Variants in UGT2A3 observed in about 807,000 individuals in gnomAD.
UGT2A3 encodes UDP glucuronosyltransferase family 2 member A3.
Under a neutral mutation model 44.1 loss-of-function variants are expected in UGT2A3, and 55 were observed. The observed-to-expected ratio is 1.25, with a 90% CI of 1.00 to 1.56. UGT2A3 has a LOEUF of 1.56. UGT2A3 is among the 40% of genes most tolerant of loss of function. UGT2A3 has a pLI of 0.00. For missense variants in UGT2A3, 733 were observed against 621.6 expected (o/e 1.18, Z -1.91); for synonymous variants, 243 against 215.1 (o/e 1.13, Z -1.13).
At chr4:68,945,580 C>A in intron 1 of UGT2A3, 126 bp from the exon 2 acceptor site, 6 of 505,946 alleles carry the variant, frequency 1.2e-5, no homozygotes, top group Non-Finnish European at 1.6e-5. Context: ...GGCTTTTAGA[C>A]GTCAAATGGA....
At position 68,951,437 on chromosome 4, in the gene UGT2A3, T is replaced by C. The variant is rs1718588497; in HGVS notation, c.324A>G (p.Ile108Met). 2.5e-6 allele frequency: 4 copies of C among 1,611,824 alleles called. No individual in the cohort carries two copies. Among genetic ancestry groups the C allele is most frequent in the Non-Finnish European group, 3.4e-6 (4 of 1,179,056 alleles). Residue 108 changes from isoleucine to methionine, a missense_variant, in exon 1 of 6, where the codon ATA becomes ATG. Ile to Met is a conservative substitution (Grantham distance 10). Coordinates refer to ENST00000251566, the MANE Select transcript of UGT2A3 (RefSeq NM_024743.4). The part of the protein sequence containing the change: ...LPGLSTWQSV[I>M]KLNDFFVEIR... ...TTTCAACAAAAAAATCATTTAATTTTATAACTGATTGCCAGGTTGATAAGC... is the reference window on the plus strand; with the variant it reads ...TTTCAACAAAAAAATCATTTAATTTCATAACTGATTGCCAGGTTGATAAGC...
In UGT2A3 at chr4:68,951,080, A is replaced by T. The variant is rs1160702494; in HGVS notation, c.681T>A (p.Tyr227Ter). The change falls in exon 1 of 6, where the codon TAT becomes TAA. Residue 227 changes from tyrosine to a stop codon, truncating the protein, a stop_gained. Transcript: ENST00000251566. LOFTEE classifies it high-confidence loss of function. ...TACTATAAAACTCTTCCCAAAAATG[A>T]TAGTCGTAATCCTGAATCCAGAAGT... ...LFHFWIQDYDYHFWEEFYSKA... is the reference protein window; with the variant it reads ...LFHFWIQDYD 6.3e-7 allele frequency: 1 copy of T among 1,596,060 alleles called. No homozygotes were observed. Among genetic ancestry groups the T allele is most frequent in the Non-Finnish European group, 8.5e-7 (1 of 1,173,776 alleles).
intron 2 of UGT2A3, among the ~76,000 whole-genome samples, chr4:68,934,816 C>G (rs1577846736): frequency 6.6e-6 from 1 of 151,704 alleles, no homozygotes; most frequent in East Asian, 2.0e-4. Context: ...TTTCAGTGAG[C>G]TATAATAATG....
intron 2 of UGT2A3, chr4:68,943,268 G>A (rs145962640): frequency 9.3e-6 from 11 of 1,188,922 alleles, no homozygotes; most frequent in Non-Finnish European, 1.2e-5. Context: ...GGGTAGAATG[G>A]CATGGGAGAT....
chr4:68,949,632 C>T (rs1288867602), intron 1 of UGT2A3, among the ~76,000 whole-genome samples: 2 of 151,882 alleles, frequency 1.3e-5, no homozygotes, highest in Non-Finnish European at 2.9e-5. Context: ...TTTTCAAAAA[C>T]CTTTAATTTG....
Position 68,932,651 on chromosome 4 carries a change from C to A in UGT2A3, c.973G>T (p.Ala325Ser). Residue 325 changes from alanine (A) to serine (S), a missense_variant, in exon 3 of 6, where the codon GCC becomes TCC. Physicochemically the swap from Ala to Ser is moderately conservative, Grantham distance 99. Coordinates refer to ENST00000251566, the MANE Select transcript of UGT2A3 (RefSeq NM_024743.4). ...ACCTTCTGTGGGATCTGGGCAAGGG[C>A]TGAAGCAATGATATTAGCCTTTTCT... The part of the protein sequence containing the change: ...TEEKANIIAS[A>S]LAQIPQKVLW... 1.2e-6 allele frequency: 2 copies of A among 1,610,942 alleles called. No homozygotes were observed. Among genetic ancestry groups the A allele is most frequent in the Non-Finnish European group, 1.7e-6 (2 of 1,178,328 alleles).
At chr4:68,940,685 T>TA (rs1370020412) in intron 2 of UGT2A3, among the ~76,000 whole-genome samples, 1 of 149,210 alleles carries the variant, frequency 6.7e-6, no homozygotes, top group African/African-American at 2.4e-5. Flanking sequence ...CCCTTGAACT[T>TA]AAAGTATTTT....
rs2109780168 is a variant in UGT2A3 at position 68,934,525 on chromosome 4, C to A, written c.865-1766G>T. Among the ~76,000 whole-genome samples, 2 of 151,940 alleles carry A rather than the reference C, an allele frequency of 1.3e-5. 1 individual carries two copies. Among genetic ancestry groups the A allele is most frequent in the South Asian group, 4.2e-4 (2 of 4,816 alleles). ...AAAGCTTTAGCAAGGTAACTGAAAA[C>A]ATAACAAAATGAAACAAACCAGAAA... On this transcript the variant is annotated intron_variant, in intron 2 of 5. Coordinates refer to ENST00000251566, the MANE Select transcript of UGT2A3 (RefSeq NM_024743.4).
chr4:68,949,779 A>G (rs1718511629), intron 1 of UGT2A3, among the ~76,000 whole-genome samples: 1 of 151,854 alleles, frequency 6.6e-6, no homozygotes, highest in South Asian at 2.1e-4. Flanking sequence ...TTGAATATAT[A>G]CTCTTGATTT....
rs200911703 is a variant in UGT2A3, at chr4:68,951,218, G to A, written c.543C>T (p.Ser181=). 7 of 1,611,798 alleles carry A rather than the reference G, an allele frequency of 4.3e-6. No homozygotes were observed. The highest frequency in any genetic ancestry group is 1.7e-5 in the Admixed American group (1 of 59,710). Residue 181 remains serine, a synonymous_variant, in exon 1 of 6, where the codon AGC becomes AGT. Coordinates refer to ENST00000251566, the MANE Select transcript of UGT2A3 (RefSeq NM_024743.4). ...AAAGTGGAGCTGGAAGTTTCCCACA[G>A]CTTCGCTCCATATTGCCTCCTACAG... ...RISVGGNMER[S]CGKLPAPLSY... is the part of the protein sequence containing the mutation.
At chr4:68,936,911 C>CAAAAAAAAAA (rs1717976485) in intron 2 of UGT2A3, among the ~76,000 whole-genome samples, 1 of 47,028 alleles carries the variant, frequency 2.1e-5, no homozygotes, top group Non-Finnish European at 6.3e-5. Context: ...AAAAAAAAAG[C>CAAAAAAAAAA]AGAGGTTGCA....
chr4:68,942,413 A>G (rs901037979), intron 2 of UGT2A3, among the ~76,000 whole-genome samples: 2 of 147,590 alleles, frequency 1.4e-5, no homozygotes, highest in African/African-American at 5.0e-5. Flanking sequence ...TTTCTATTCC[A>G]TTATATATAT....
rs755495498 is a variant in UGT2A3 at position 68,930,083 on chromosome 4, C to A, written c.1314G>T (p.Glu438Asp). The A allele has an allele frequency of 1.2e-6, 2 of 1,603,440 alleles. No individual in the cohort carries two copies. The highest frequency in any genetic ancestry group is 1.7e-6 in the Non-Finnish European group (2 of 1,174,642). The change falls in exon 6 of 6, where the codon GAG (glutamate) becomes GAT (aspartate). Residue 438 changes from glutamate to aspartate, a missense_variant. Physicochemically the swap from Glu to Asp is conservative, Grantham distance 45. Coordinates refer to ENST00000251566, the MANE Select transcript of UGT2A3 (RefSeq NM_024743.4). ...RTVITDSSYK[E>D]NAMRLSRIHH... ...GAATTCTTGATAATCTCATAGCATT[C>A]TCTTTATAACTGGAAGGGAAAAACA... is the stretch of plus-strand genomic sequence containing the variant.
chr4:68,950,607 C>T (rs1300800240), intron 1 of UGT2A3, among the ~76,000 whole-genome samples: 5 of 151,530 alleles, frequency 3.3e-5, no homozygotes, highest in African/African-American at 1.2e-4. Flanking sequence ...AAGTAATCAC[C>T]TAAGAAATTA....
In UGT2A3 at chr4:68,932,774, T is replaced by G. The variant is rs184347879; in HGVS notation, c.865-15A>C. Reference sequence around the variant, plus strand: ...TTTTCCATTTCCTGAAGATAAAAATTTATCTGCATTACAGAGGCATAATAT... The same window carrying G: ...TTTTCCATTTCCTGAAGATAAAAATGTATCTGCATTACAGAGGCATAATAT... On this transcript the variant is annotated splice_polypyrimidine_tract_variant and intron_variant, in intron 2 of 5. Coordinates refer to ENST00000251566, the MANE Select transcript of UGT2A3 (RefSeq NM_024743.4). The G allele has an allele frequency of 1.7e-3, 2,787 of 1,605,622 alleles. 9 individuals carry two copies. Among genetic ancestry groups the G allele is most frequent in the Non-Finnish European group, 2.1e-3 (2,456 of 1,176,294 alleles).
Position 68,951,303 on chromosome 4 carries a change from G to C in UGT2A3, c.458C>G (p.Pro153Arg). 1 of 1,612,310 alleles carries C rather than the reference G, an allele frequency of 6.2e-7. No individual in the cohort carries two copies. Among genetic ancestry groups the C allele is most frequent in the Non-Finnish European group, 8.5e-7 (1 of 1,179,138 alleles). ...CAACTCAGCCATCAGGTCTCCACAG[G>C]GAATCACAGGGTCTATAAGCATTAC... ...YDVMLIDPVI[P>R]CGDLMAELLA... The change falls in exon 1 of 6, where the codon CCC (proline) becomes CGC (arginine). Residue 153 changes from proline to arginine, a missense_variant. By Grantham distance (103) the Pro-to-Arg change is moderately radical. Coordinates refer to ENST00000251566, the MANE Select transcript of UGT2A3 (RefSeq NM_024743.4).
At chr4:68,935,272 G>GTATATA (rs57461958) in intron 2 of UGT2A3, among the ~76,000 whole-genome samples, 12 of 89,256 alleles carry the variant, frequency 1.3e-4, no homozygotes, top group African/African-American at 3.2e-4. Context: ...ATGTATGTAT[G>GTATATA]TATGTATATA....
chr4:68,947,407 C>T (rs953872891), intron 1 of UGT2A3, among the ~76,000 whole-genome samples: 27 of 151,608 alleles, frequency 1.8e-4, no homozygotes, highest in African/African-American at 4.1e-4. Context: ...TTTAGACAAA[C>T]CTTCAGGCCC....
At chr4:68,932,079 A>G (rs1203574782) in intron 3 of UGT2A3, among the ~76,000 whole-genome samples, 1 of 151,980 alleles carries the variant, frequency 6.6e-6, no homozygotes, top group African/African-American at 2.4e-5. Context: ...TAAAGTTAAA[A>G]TTAGTGGAGT....
Sources: allele counts gnomAD v4.1 joint callset (sites outside exome capture counted in the v4.1 genomes callset), GRCh38; gene constraint gnomAD v4.1.1; transcripts MANE v1.5; gene names NCBI Gene and HGNC (gene_info 2026-07-23, HGNC 2026-07-21).